The following RBM5 variants were observed in gnomAD, a reference collection of about 807,000 sequenced individuals.
RBM5 encodes the protein RNA-binding protein 5.
A neutral mutation model predicts 124.6 loss-of-function variants in RBM5; 15 were observed. That is an observed-to-expected ratio of 0.12 (90% CI 0.08 to 0.19). RBM5 has a LOEUF of 0.19. Ranked by LOEUF, RBM5 falls within the 10% of genes least tolerant of loss-of-function variation. The pLI is 1.00. For missense variants in RBM5, 580 were observed against 1,026.5 expected (o/e 0.57, Z 5.94); for synonymous variants, 337 against 361.2 (o/e 0.93, Z 0.76).
intron 1 of RBM5, among the ~76,000 whole-genome samples, chr3:50,089,516 C>T (rs2090663202): frequency 6.6e-6 from 1 of 152,260 alleles, no homozygotes; most frequent in Non-Finnish European, 1.5e-5. Context: ...GGCCGTGACG[C>T]CGCCATCTCG....
In RBM5 at chr3:50,100,259, T is replaced by TAAGTAA; in HGVS notation, c.409+209_409+214dup. On this transcript the variant is annotated intron_variant, in intron 5 of 24. Transcript: ENST00000347869. The surrounding 1 kb of genome is among the most constrained non-coding windows in gnomAD (Gnocchi z 5.1). ...TTTTAGGGACTTTTTTTTCCTTAGG[T>TAAGTAA]AAGTAATGATTTATAAACTCCTTTT... 1.7e-6 allele frequency: 1 copy of TAAGTAA among 582,378 alleles called. No homozygotes were observed. Among genetic ancestry groups the TAAGTAA allele is most frequent in the East Asian group, 2.9e-5 (1 of 34,140 alleles). 36.1% of individuals were successfully genotyped at this position (582,378 alleles called of 1,614,324 possible).
intron 22 of RBM5, 57 bp downstream of exon 22, chr3:50,116,037 T>C (rs1575339716): frequency 2.7e-6 from 4 of 1,503,232 alleles, no homozygotes; most frequent in Non-Finnish European, 3.7e-6. Flanking sequence ...CCTTTAGCTT[T>C]TATTTGTAGC....
chr3:50,106,346 T>C (rs576757484), intron 10 of RBM5, among the ~76,000 whole-genome samples: 3 of 152,124 alleles, frequency 2.0e-5, no homozygotes, highest in African/African-American at 7.2e-5. Context: ...TTCACTGTGT[T>C]AGCCAGGATG....
rs2090749804 is a variant in RBM5 at position 50,093,596 on chromosome 3, C to T, written c.184-124C>T. ...CTCAAAAAAAAAAAATTGCAGTGAA[C>T]ATTACCATGGAGTGCTTGTGTAATC... is the stretch of plus-strand genomic sequence containing the variant. On this transcript the variant is annotated intron_variant, in intron 3 of 24. Transcript: ENST00000347869. 5 of 1,070,348 alleles carry T rather than the reference C, an allele frequency of 4.7e-6. No individual in the cohort carries two copies. In the East Asian group the frequency reaches 7.5e-5, roughly 16 times the overall value. 66.3% of individuals were successfully genotyped at this position (1,070,348 alleles called of 1,614,324 possible). A position where few individuals can be genotyped will look rare whatever the true frequency, so the allele number is the denominator to read the frequency against.
At chr3:50,103,921 G>A (rs1266231773) in intron 7 of RBM5, among the ~76,000 whole-genome samples, 1 of 152,210 alleles carries the variant, frequency 6.6e-6, no homozygotes, top group Non-Finnish European at 1.5e-5. Context: ...TTGTGTTTGT[G>A]TATGTAGGAT....
rs769111427 is a variant in RBM5 at position 50,113,397 on chromosome 3, C to G, written c.1470C>G (p.Ser490=). 1.2e-6 allele frequency: 2 copies of G among 1,612,606 alleles called. No individual in the cohort carries two copies. The highest frequency in any genetic ancestry group is 1.7e-6 in the Non-Finnish European group (2 of 1,179,508). Residue 490 remains serine (S), a synonymous_variant, in exon 18 of 25, where the codon TCC becomes TCG. Coordinates refer to ENST00000347869, the MANE Select transcript of RBM5 (RefSeq NM_005778.4). ...YDPNSQYYYN[S]LTQQYLYWDG... ...TTGTTTTCTAGTACTACTATAATTCCTTGACCCAGCAGTACCTTTACTGGG... is the reference window on the plus strand; with the variant it reads ...TTGTTTTCTAGTACTACTATAATTCGTTGACCCAGCAGTACCTTTACTGGG...
intron 24 of RBM5, chr3:50,118,076 C>A: frequency 1.9e-6 from 1 of 524,608 alleles, no homozygotes; most frequent in Non-Finnish European, 3.4e-6. Context: ...GGGGCCCTTT[C>A]CTAGGCGTGG....
chr3:50,100,873 G>A lies in RBM5; in HGVS notation c.483+268G>A, dbSNP rs879758152. On this transcript the variant is annotated intron_variant, in intron 6 of 24. Transcript: ENST00000347869. This position sits in a 1 kb window ranked among gnomAD's most constrained non-coding sequence, Gnocchi z 5.1. ...CTGGTAATCACTAAAACATCTTAAT[G>A]TTTCCCTTTTTTCTAGTTTGTTATA... 2.0e-5 allele frequency: 7 copies of A among 354,360 alleles called. No homozygotes were observed. Among genetic ancestry groups the A allele is most frequent in the Non-Finnish European group, 3.0e-5 (6 of 197,354 alleles). The allele number at this position is 354,360 out of a possible 1,614,324, so 22.0% of individuals were successfully genotyped here.
chr3:50,100,807 C>CT lies in RBM5; in HGVS notation c.483+203dup. On this transcript the variant is annotated intron_variant, in intron 6 of 24. Coordinates refer to ENST00000347869, the MANE Select transcript of RBM5 (RefSeq NM_005778.4). This position sits in a 1 kb window ranked among gnomAD's most constrained non-coding sequence, Gnocchi z 5.1. ...GAATTTGTTCTGCCTTTAAACATGGCTACCTACCTGGCAGGGCTTTGTTAA... is the reference window on the plus strand; with the variant it reads ...GAATTTGTTCTGCCTTTAAACATGGCTTACCTACCTGGCAGGGCTTTGTTAA... 2.2e-6 allele frequency: 1 copy of CT among 451,730 alleles called. No individual in the cohort carries two copies. The highest frequency in any genetic ancestry group is 3.9e-6 in the Non-Finnish European group (1 of 254,324). The allele number at this position is 451,730 out of a possible 1,614,324, so 28.0% of individuals were successfully genotyped here.
Position 50,100,496 on chromosome 3 carries a change from A to G in RBM5, c.410-36A>G, listed in dbSNP as rs1194187529. ...ACCTGTTATAAAGGAACTGACTAAC[A>G]CAAGTATCCCGTCTATATCTGAATG... On this transcript the variant is annotated intron_variant, in intron 5 of 24. Coordinates refer to ENST00000347869, the MANE Select transcript of RBM5 (RefSeq NM_005778.4). This position sits in a 1 kb window ranked among gnomAD's most constrained non-coding sequence, Gnocchi z 5.1. 6.5e-7 allele frequency: 1 copy of G among 1,550,154 alleles called. No individual in the cohort carries two copies. The highest frequency in any genetic ancestry group is 8.9e-7 in the Non-Finnish European group (1 of 1,123,532).
At chr3:50,113,107 A>G (rs1043471805) in intron 17 of RBM5, 7 of 223,410 alleles carry the variant, frequency 3.1e-5, no homozygotes, top group Non-Finnish European at 2.7e-5. Context: ...GCCCACCACC[A>G]CCTCCCAAAG....
In RBM5 at chr3:50,108,308, G is replaced by A. The variant is rs749194966; in HGVS notation, c.1192+4G>A. 1.2e-6 allele frequency: 2 copies of A among 1,603,586 alleles called. No homozygotes were observed. The highest frequency in any genetic ancestry group is 8.5e-7 in the Non-Finnish European group (1 of 1,170,402). ...TCTGATGCATCATCTGCATCAGGTAGTAAACTTCATCTCCCTTTTACCTTT... is the reference window on the plus strand; with the variant it reads ...TCTGATGCATCATCTGCATCAGGTAATAAACTTCATCTCCCTTTTACCTTT... On this transcript the variant is annotated splice_donor_region_variant and intron_variant, in intron 14 of 24. Coordinates refer to ENST00000347869, the MANE Select transcript of RBM5 (RefSeq NM_005778.4).
chr3:50,102,969 C>T (rs2090969176), intron 6 of RBM5, 114 bp from the exon 7 acceptor site: 6 of 817,636 alleles, frequency 7.3e-6, no homozygotes, highest in East Asian at 2.5e-5. Flanking sequence ...TGGTCCTCCC[C>T]GTATGTTGTC....
intron 6 of RBM5, chr3:50,101,774 G>A (rs2090945007): frequency 6.6e-6 from 1 of 152,150 alleles, no homozygotes; most frequent in South Asian, 2.1e-4. Flanking sequence ...TGTATACAAA[G>A]CTATGTTACT....
intron 2 of RBM5, 134 bp downstream of exon 2, chr3:50,090,585 T>C: frequency 2.0e-6 from 2 of 1,009,024 alleles, no homozygotes; most frequent in South Asian, 1.5e-5. Context: ...TATGATCCTG[T>C]TGTCACAAAC....
At chr3:50,098,112 A>G (rs531865436) in intron 4 of RBM5, among the ~76,000 whole-genome samples, 2 of 152,298 alleles carry the variant, frequency 1.3e-5, no homozygotes, top group Admixed American at 1.3e-4. Context: ...AATTTAAAAA[A>G]AAGTTTATCA....
chr3:50,116,212 TCTCA>T (rs1348588472), intron 22 of RBM5: 2 of 512,462 alleles, frequency 3.9e-6, no homozygotes, highest in African/African-American at 3.8e-5. Context: ...GCCGAGACTC[TCTCA>T]CAGCAATGCC....
chr3:50,105,482 C>G, intron 9 of RBM5, 67 bp from the exon 10 acceptor site: 2 of 1,515,324 alleles, frequency 1.3e-6, no homozygotes, highest in Non-Finnish European at 1.8e-6. Context: ...TTGACCCTAT[C>G]TTGGAAAACT....
chr3:50,117,553 G>T lies in RBM5; in HGVS notation c.2322+174G>T. On this transcript the variant is annotated intron_variant, in intron 24 of 24. Coordinates refer to ENST00000347869, the MANE Select transcript of RBM5 (RefSeq NM_005778.4). The surrounding 1 kb of genome is among the most constrained non-coding windows in gnomAD (Gnocchi z 4.2). ...CCCAGCACTTTGGGAGGCCGAGGAG[G>T]GTGGATTGCCTGAGCCCAGAAGTTT... The T allele has an allele frequency of 1.1e-6, 1 of 894,852 alleles. No homozygotes were observed. Among genetic ancestry groups the T allele is most frequent in the African/African-American group, 1.7e-5 (1 of 59,552 alleles). The allele number at this position is 894,852 out of a possible 1,614,324, so 55.4% of individuals were successfully genotyped here. A position where few individuals can be genotyped will look rare whatever the true frequency, so the allele number is the denominator to read the frequency against.
Sources: allele counts gnomAD v4.1 joint callset (sites outside exome capture counted in the v4.1 genomes callset), GRCh38; gene constraint gnomAD v4.1.1; non-coding constraint Gnocchi (gnomAD v3.1); transcripts MANE v1.5; gene names NCBI Gene and HGNC (gene_info 2026-07-23, HGNC 2026-07-21).